Variants in TTYH3 observed in about 807,000 individuals in gnomAD.
The protein encoded by TTYH3 is protein tweety homolog 3.
A neutral mutation model predicts 68.2 loss-of-function variants in TTYH3; 23 were observed. The ratio of observed to expected loss-of-function variants is 0.34; its 90% CI spans 0.24 to 0.48. The LOEUF (loss-of-function observed/expected upper bound fraction) is 0.48. Among genes scored for constraint, TTYH3 ranks in the 20% least tolerant of loss-of-function variants. The probability of loss-of-function intolerance (pLI) is 0.99; values close to 1 mark genes in which losing one functional copy is unlikely to be tolerated. For missense variants in TTYH3, 768 were observed against 727.7 expected (o/e 1.06, Z -0.64); for synonymous variants, 360 against 332.8 (o/e 1.08, Z -0.89).
chr7:2,637,327 G>A (rs1423718077), intron 1 of TTYH3, among the ~76,000 whole-genome samples: 1 of 152,174 alleles, frequency 6.6e-6, no homozygotes, highest in Non-Finnish European at 1.5e-5. Flanking sequence ...CCCAGGCCAC[G>A]GCGGCTCTCC....
chr7:2,634,938 G>C (rs1785618670), intron 1 of TTYH3, among the ~76,000 whole-genome samples: 1 of 152,160 alleles, frequency 6.6e-6, no homozygotes, highest in South Asian at 2.1e-4. Flanking sequence ...CTTGCCGCTG[G>C]GGGTGTGACC....
chr7:2,661,366 C>T (rs1786490446), intron 13 of TTYH3, among the ~76,000 whole-genome samples: 1 of 152,152 alleles, frequency 6.6e-6, no homozygotes, highest in African/African-American at 2.4e-5. Flanking sequence ...TGCCCAAATG[C>T]CGCTGGTGTG....
At chr7:2,634,256 C>T (rs1300340151) in intron 1 of TTYH3, among the ~76,000 whole-genome samples, 1 of 152,240 alleles carries the variant, frequency 6.6e-6, no homozygotes, top group Non-Finnish European at 1.5e-5. Flanking sequence ...TGCTTTTCGG[C>T]AACTGCTTGG....
chr7:2,654,588 G>A (rs929017969), intron 9 of TTYH3, among the ~76,000 whole-genome samples: 1 of 152,106 alleles, frequency 6.6e-6, no homozygotes, highest in African/African-American at 2.4e-5. Flanking sequence ...AAGTGGATTC[G>A]TTTCCTGGGA....
At chr7:2,653,299 T>G (rs1349413429) in intron 9 of TTYH3, among the ~76,000 whole-genome samples, 1 of 152,234 alleles carries the variant, frequency 6.6e-6, no homozygotes, top group Non-Finnish European at 1.5e-5. Context: ...TCTTGCTATG[T>G]TGCCCAGGTG....
chr7:2,634,861 C>T (rs1412972052), intron 1 of TTYH3, among the ~76,000 whole-genome samples: 2 of 152,114 alleles, frequency 1.3e-5, no homozygotes, highest in African/African-American at 2.4e-5. Flanking sequence ...GTAGGTCCCT[C>T]GTCCGGCCCC....
At chr7:2,653,316 AGGGCT>A (rs1245673113) in intron 9 of TTYH3, among the ~76,000 whole-genome samples, 1 of 152,186 alleles carries the variant, frequency 6.6e-6, no homozygotes, top group Non-Finnish European at 1.5e-5. Flanking sequence ...GGTGGGTCTC[AGGGCT>A]GGGATGACAG....
chr7:2,653,565 A>G (rs910970691), intron 9 of TTYH3, among the ~76,000 whole-genome samples: 1 of 145,336 alleles, frequency 6.9e-6, no homozygotes, highest in African/African-American at 2.7e-5. Context: ...ACAATATGTT[A>G]AAAAAATAAA....
chr7:2,632,326 GC>G, intron 1 of TTYH3, 48 bp downstream of exon 1: 4 of 1,498,120 alleles, frequency 2.7e-6, no homozygotes, highest in Non-Finnish European at 3.6e-6. Flanking sequence ...CCAGGTCACG[GC>G]CCCCTCCTCT....
At chr7:2,652,842 G>A (rs1285605378) in intron 8 of TTYH3, 76 bp from the exon 9 acceptor site, 48 of 1,229,780 alleles carry the variant, frequency 3.9e-5, no homozygotes, top group Middle Eastern at 2.1e-4. Flanking sequence ...TGGTGTCCCC[G>A]CGTTGGAGGG....
intron 13 of TTYH3, chr7:2,660,063 T>A: frequency 7.7e-7 from 1 of 1,294,028 alleles, no homozygotes; most frequent in Non-Finnish European, 1.0e-6. Flanking sequence ...CGGTCCCCCA[T>A]CCCGCACGGC....
intron 13 of TTYH3, chr7:2,659,879 G>A: frequency 7.1e-6 from 9 of 1,276,590 alleles, no homozygotes; most frequent in Non-Finnish European, 9.2e-6. Context: ...ACACCCTGGC[G>A]TTGAGGCCAC....
At chr7:2,636,371 T>TGAGAA (rs1364591838) in intron 1 of TTYH3, among the ~76,000 whole-genome samples, 1 of 152,028 alleles carries the variant, frequency 6.6e-6, no homozygotes, top group African/African-American at 2.4e-5. Flanking sequence ...GACAGAAGCG[T>TGAGAA]CCCTCCAGCT....
intron 1 of TTYH3, among the ~76,000 whole-genome samples, chr7:2,640,425 A>T (rs986135307): frequency 1.3e-5 from 2 of 151,872 alleles, no homozygotes; most frequent in Non-Finnish European, 2.9e-5. Flanking sequence ...TGTGTTCCAT[A>T]GGCCGGCCGT....
intron 1 of TTYH3, among the ~76,000 whole-genome samples, chr7:2,635,516 C>T (rs376474811): frequency 6.6e-5 from 10 of 152,216 alleles, no homozygotes; most frequent in African/African-American, 2.4e-4. Context: ...AGGCCAGATG[C>T]AGGACAACAG....
chr7:2,643,940 C>T (rs957476441), intron 1 of TTYH3, among the ~76,000 whole-genome samples: 4 of 152,128 alleles, frequency 2.6e-5, no homozygotes, highest in Non-Finnish European at 5.9e-5. Flanking sequence ...CAGACAGGCC[C>T]TCCTAGAGTC....
chr7:2,658,846 C>T, intron 12 of TTYH3, 94 bp from the exon 13 acceptor site: 3 of 1,203,190 alleles, frequency 2.5e-6, no homozygotes, highest in Middle Eastern at 3.9e-4. Context: ...ATGTGCCCAT[C>T]TGGGCACAGC....
At chr7:2,640,085 A>C in intron 1 of TTYH3, among the ~76,000 whole-genome samples, 1 of 152,100 alleles carries the variant, frequency 6.6e-6, no homozygotes, top group East Asian at 1.9e-4. Flanking sequence ...CACGGGCCCT[A>C]TGTCTTCGCT....
chr7:2,652,842 G>T (rs1285605378), intron 8 of TTYH3, 76 bp from the exon 9 acceptor site: 12 of 1,229,780 alleles, frequency 9.8e-6, no homozygotes, highest in Non-Finnish European at 1.4e-5. Context: ...TGGTGTCCCC[G>T]CGTTGGAGGG....
Sources: gnomAD v4.1 joint callset for allele counts (sites outside exome capture counted in the v4.1 genomes callset) on GRCh38, gnomAD v4.1.1 for gene constraint, MANE v1.5 for transcripts, NCBI Gene and HGNC (gene_info 2026-07-23, HGNC 2026-07-21) for gene names.